The following HERC1 variants were observed in gnomAD, a reference collection of about 807,000 sequenced individuals.
The protein encoded by HERC1 is probable E3 ubiquitin-protein ligase HERC1.
HERC1 carries 160 observed loss-of-function variants against 554.3 expected under a neutral mutation model. That is an observed-to-expected ratio of 0.29 (90% CI 0.25 to 0.33). HERC1 has a LOEUF of 0.33. HERC1 is among the 10% of genes least tolerant of loss of function. The probability of loss-of-function intolerance (pLI) is 1.00; values close to 1 mark genes in which losing one functional copy is unlikely to be tolerated. For synonymous variants in HERC1, 2,175 were observed against 2,131.7 expected, an observed-to-expected ratio of 1.02 and a Z score of -0.56; for missense variants, 4,919 against 5,918.5, an observed-to-expected ratio of 0.83 and a Z score of 5.54.
chr15:63,625,914 T>G, intron 71 of HERC1, 71 bp downstream of exon 71: 1 of 1,494,388 alleles, frequency 6.7e-7, no homozygotes, highest in Non-Finnish European at 9.2e-7. Flanking sequence ...CCCTGGGGCC[T>G]GGCGAGCATG....
intron 33 of HERC1, among the ~76,000 whole-genome samples, chr15:63,688,254 G>C (rs1595978503): frequency 1.3e-5 from 2 of 152,172 alleles, no homozygotes; most frequent in African/African-American, 4.8e-5. Flanking sequence ...AGATTGTATG[G>C]ATAGAGAAAT....
In HERC1 at chr15:63,732,969, A is replaced by G. The variant is rs150589145; in HGVS notation, c.2823T>C (p.Ala941=). 1 of 1,613,950 alleles carries G rather than the reference A, an allele frequency of 6.2e-7. No homozygotes were observed. The highest frequency in any genetic ancestry group is 8.5e-7 in the Non-Finnish European group (1 of 1,179,810). The part of the protein sequence containing the change: ...TQSCHPDTHL[A]EILMKTLLRN... ...TTAAGAGGGTCTTCATCAAAATTTC[A>G]GCCAGGTGGGTATCTGGATGGCAGC... Residue 941 remains alanine (A), a synonymous_variant, in exon 14 of 78, where the codon GCT becomes GCC. Transcript: ENST00000443617.
intron 1 of HERC1, among the ~76,000 whole-genome samples, chr15:63,822,508 C>G (rs1485618747): frequency 6.6e-6 from 1 of 151,874 alleles, no homozygotes; most frequent in Non-Finnish European, 1.5e-5. Flanking sequence ...ATCGCTTGAA[C>G]TCAGGAGGCA....
intron 61 of HERC1, among the ~76,000 whole-genome samples, chr15:63,639,363 A>G (rs1595873542): frequency 6.6e-6 from 1 of 152,186 alleles, no homozygotes; most frequent in East Asian, 1.9e-4. Flanking sequence ...TATTCTGTAC[A>G]GGTTTGTAGC....
At chr15:63,721,348 A>C (rs2073810998) in intron 19 of HERC1, among the ~76,000 whole-genome samples, 1 of 152,134 alleles carries the variant, frequency 6.6e-6, no homozygotes, top group East Asian at 1.9e-4. Context: ...AACATGGCAT[A>C]AACCCCATCT....
At chr15:63,818,433 G>T (rs2077571425) in intron 1 of HERC1, among the ~76,000 whole-genome samples, 1 of 152,152 alleles carries the variant, frequency 6.6e-6, no homozygotes, top group Non-Finnish European at 1.5e-5. Flanking sequence ...GAAGAGGGAG[G>T]TGATAAGGAG....
At chr15:63,832,826 T>A (rs1309948428) in intron 1 of HERC1, among the ~76,000 whole-genome samples, 2 of 151,006 alleles carry the variant, frequency 1.3e-5, no homozygotes, top group South Asian at 4.2e-4. Context: ...CAAGCAAGGA[T>A]AAAAAAAAAT....
rs1171489821 is a variant in HERC1, at chr15:63,759,783, A to G, written c.1027-1414T>C. On this transcript the variant is annotated intron_variant, in intron 3 of 77. Coordinates refer to ENST00000443617, the MANE Select transcript of HERC1 (RefSeq NM_003922.4). ...GATAAAAGAAATTTAAGAAGTCAAC[A>G]TATTAGTTTGCTAGCACATGAAATG... Among the ~76,000 whole-genome samples the G allele has an allele frequency of 5.3e-5, 8 of 152,364 alleles. 1 individual carries two copies. Among genetic ancestry groups the G allele is most frequent in the African/African-American group, 1.7e-4 (7 of 41,578 alleles).
At chr15:63,789,365 C>T (rs2144032979) in intron 1 of HERC1, among the ~76,000 whole-genome samples, 1 of 151,636 alleles carries the variant, frequency 6.6e-6, no homozygotes, top group Admixed American at 6.6e-5. Flanking sequence ...GCTGGGATTA[C>T]AGGCGTGAGC....
At chr15:63,767,475 G>A (rs1567105298) in intron 2 of HERC1, among the ~76,000 whole-genome samples, 1 of 152,028 alleles carries the variant, frequency 6.6e-6, no homozygotes. Flanking sequence ...CAAGGCGGGT[G>A]GATCATCTGA....
intron 46 of HERC1, among the ~76,000 whole-genome samples, chr15:63,660,185 T>C (rs2070277821): frequency 6.6e-6 from 1 of 151,990 alleles, no homozygotes; most frequent in African/African-American, 2.4e-5. Flanking sequence ...CCAGGCATGG[T>C]GGTGTGTGCC....
rs1381849474 is a variant in HERC1 at position 63,657,322 on chromosome 15, C to G, written c.9600-964G>C. Among the ~76,000 whole-genome samples the G allele has an allele frequency of 2.7e-5, 4 of 150,332 alleles. No homozygotes were observed. The East Asian group carries it at 7.8e-4, about 29-fold the overall frequency. Reference sequence around the variant, plus strand: ...TGTTTCCCAGGCTGGTCTCAAACTCCTGGCTCAAGGGTTCTTCCCGTCTTG... The same window carrying G: ...TGTTTCCCAGGCTGGTCTCAAACTCGTGGCTCAAGGGTTCTTCCCGTCTTG... On this transcript the variant is annotated intron_variant, in intron 48 of 77. Transcript: ENST00000443617.
At position 63,749,358 on chromosome 15, in the gene HERC1, C is replaced by G. The variant is rs1434401047; in HGVS notation, c.2219+9G>C. ...ACACACAAGAATTTTTAAACATAGG[C>G]ACTCTTACCTGTCCCTAGGAAGAGC... On this transcript the variant is annotated intron_variant, in intron 10 of 77. Transcript: ENST00000443617. This position sits in a 1 kb window ranked among gnomAD's most constrained non-coding sequence, Gnocchi z 4.1. 1 of 1,570,438 alleles carries G rather than the reference C, an allele frequency of 6.4e-7. No individual in the cohort carries two copies. Among genetic ancestry groups the G allele is most frequent in the African/African-American group, 1.4e-5 (1 of 72,764 alleles).
intron 33 of HERC1, among the ~76,000 whole-genome samples, chr15:63,686,947 G>T (rs2071794173): frequency 6.6e-6 from 1 of 152,230 alleles, no homozygotes; most frequent in Non-Finnish European, 1.5e-5. Context: ...TGTACAGCAT[G>T]TGCCAAGGCA....
rs573648232 is a variant in HERC1 at position 63,720,103 on chromosome 15, C to CTT, written c.3743-1208_3743-1207dup. ...GGACTAGTCAGGTGCTTTTTCTTCC[C>CTT]TTTTTTTTTTTTTTTAAGAGACAGG... On this transcript the variant is annotated intron_variant, in intron 19 of 77. Coordinates refer to ENST00000443617, the MANE Select transcript of HERC1 (RefSeq NM_003922.4). 8.1e-4 allele frequency among the ~76,000 whole-genome samples: 58 copies of CTT among 71,594 alleles called. 9 individuals are homozygous for CTT. The highest frequency in any genetic ancestry group is 1.9e-3 in the African/African-American group (32 of 16,612). 47.0% of individuals were successfully genotyped at this position (71,594 alleles called of 152,430 possible). A position where few individuals can be genotyped will look rare whatever the true frequency, so the allele number is the denominator to read the frequency against.
chr15:63,657,784 C>T (rs1418342778), intron 48 of HERC1, among the ~76,000 whole-genome samples: 1 of 152,112 alleles, frequency 6.6e-6, no homozygotes, highest in Non-Finnish European at 1.5e-5. Context: ...ATCTAATAGC[C>T]ACTTTATAAC....
At chr15:63,669,314 G>C (rs1273609500) in intron 40 of HERC1, among the ~76,000 whole-genome samples, 3 of 152,170 alleles carry the variant, frequency 2.0e-5, no homozygotes, top group African/African-American at 7.2e-5. Flanking sequence ...GAAAAATGAA[G>C]AGCTGATATG....
chr15:63,749,399 A>G lies in HERC1; in HGVS notation c.2187T>C (p.His729=). ...AIQQISAGTS[H]SLAWTALPRD... is the part of the protein sequence containing the mutation. The stretch of plus-strand genomic sequence containing the variant: ...TAGGAAGAGCAGTCCATGCCAGACT[A>G]TGTGATGTTCCAGCCGAAATCTGCT... The change falls in exon 10 of 78, where the codon CAT becomes CAC. Residue 729 remains histidine, a synonymous_variant. Coordinates refer to ENST00000443617, the MANE Select transcript of HERC1 (RefSeq NM_003922.4). The surrounding 1 kb of genome is among the most constrained non-coding windows in gnomAD (Gnocchi z 4.1). 1 of 1,613,504 alleles carries G rather than the reference A, an allele frequency of 6.2e-7. No individual in the cohort carries two copies.
intron 1 of HERC1, among the ~76,000 whole-genome samples, chr15:63,829,868 A>C (rs1403275218): frequency 6.6e-6 from 1 of 151,952 alleles, no homozygotes; most frequent in Non-Finnish European, 1.5e-5. Context: ...GAACAATTTG[A>C]ACAACAAAAT....
Sources: allele counts gnomAD v4.1 joint callset (sites outside exome capture counted in the v4.1 genomes callset), GRCh38; gene constraint gnomAD v4.1.1; non-coding constraint Gnocchi (gnomAD v3.1); transcripts MANE v1.5; gene names NCBI Gene and HGNC (gene_info 2026-07-23, HGNC 2026-07-21).